The following TRPC4 variants were observed in gnomAD, a reference collection of about 807,000 sequenced individuals.
TRPC4 encodes short transient receptor potential channel 4.
A neutral mutation model predicts 99.4 loss-of-function variants in TRPC4; 49 were observed. That is an observed-to-expected ratio of 0.49 (90% CI 0.39 to 0.63). TRPC4 has a LOEUF of 0.63. Among genes scored for constraint, TRPC4 ranks in the 20% least tolerant of loss-of-function variants. The pLI, the probability that TRPC4 is intolerant of heterozygous loss-of-function variation, is 0.00. For synonymous variants in TRPC4, 454 were observed against 425.9 expected (o/e 1.07, Z -0.81); for missense variants, 898 against 1,152.9 (o/e 0.78, Z 3.20).
chr13:37,840,049 T>C (rs774490933), intron 1 of TRPC4, among the ~76,000 whole-genome samples: 1 of 152,118 alleles, frequency 6.6e-6, no homozygotes, highest in Non-Finnish European at 1.5e-5. Flanking sequence ...GAAAATAATA[T>C]GCATTTTTTG....
rs144003320 is a variant in TRPC4, at chr13:37,689,729, G to C, written c.1234+2270C>G. 1.0e-2 allele frequency among the ~76,000 whole-genome samples: 1,523 copies of C among 152,302 alleles called. 12 individuals are homozygous for C. Among genetic ancestry groups the C allele is most frequent in the South Asian group, 0.026 (125 of 4,832 alleles). The stretch of plus-strand genomic sequence containing the variant: ...AAATATTCTGTTAGAAGCTTGGTGT[G>C]TAGCAGGCAGCCAATGACTGTTTTC... On this transcript the variant is annotated intron_variant, in intron 4 of 10. Transcript: ENST00000379705.
chr13:37,706,567 T>C (rs1954283924), intron 3 of TRPC4, among the ~76,000 whole-genome samples: 1 of 152,058 alleles, frequency 6.6e-6, no homozygotes. Flanking sequence ...CATGTTGGTG[T>C]GCTGCACCCA....
intron 1 of TRPC4, among the ~76,000 whole-genome samples, chr13:37,861,990 C>G (rs1279616635): frequency 1.3e-5 from 2 of 151,286 alleles, no homozygotes; most frequent in Admixed American, 1.3e-4. Context: ...TGTATCTAGT[C>G]CAGTCCCTTC....
At position 37,651,528 on chromosome 13, in the gene TRPC4, A is replaced by G; in HGVS notation, c.1885-69T>C. The G allele has an allele frequency of 2.1e-6, 3 of 1,439,396 alleles. No individual in the cohort carries two copies. In the South Asian group the frequency reaches 3.5e-5, roughly 17 times the overall value. The allele number at this position is 1,439,396 out of a possible 1,614,324, so 89.2% of individuals were successfully genotyped here. On this transcript the variant is annotated intron_variant, in intron 7 of 10. Transcript: ENST00000379705. ...ACAAGGTACCATAAATCTCACAGAG[A>G]TCCTGTAACCTGACTTCAAGCGGCT...
At chr13:37,836,555 G>A (rs530072873) in intron 1 of TRPC4, among the ~76,000 whole-genome samples, 1 of 152,240 alleles carries the variant, frequency 6.6e-6, no homozygotes, top group East Asian at 1.9e-4. Context: ...AGAGACTGGT[G>A]GCATTTAGCC....
intron 1 of TRPC4, among the ~76,000 whole-genome samples, chr13:37,799,250 T>C (rs937854609): frequency 6.6e-6 from 1 of 152,206 alleles, no homozygotes; most frequent in Non-Finnish European, 1.5e-5. Context: ...GAAGTAATCT[T>C]TAACACCAAC....
At chr13:37,853,591 G>A (rs1959110542) in intron 1 of TRPC4, among the ~76,000 whole-genome samples, 2 of 152,118 alleles carry the variant, frequency 1.3e-5, no homozygotes, top group South Asian at 2.1e-4. Flanking sequence ...AGTCACTGGG[G>A]ACCAATCTTG....
rs555806502 is a variant in TRPC4, at chr13:37,671,454, T to A, written c.1374+2774A>T. Among the ~76,000 whole-genome samples, 14 of 152,196 alleles carry A rather than the reference T, an allele frequency of 9.2e-5. No individual in the cohort carries two copies. The East Asian group carries it at 2.1e-3, about 23-fold the overall frequency. ...AGATTGAACATGGTGAAGGCAAGTG[T>A]GGACCTAGAGCTCAAACTCTTTTAA... On this transcript the variant is annotated intron_variant, in intron 5 of 10. Coordinates refer to ENST00000379705, the MANE Select transcript of TRPC4 (RefSeq NM_016179.4).
At chr13:37,824,892 C>T (rs1958152825) in intron 1 of TRPC4, among the ~76,000 whole-genome samples, 1 of 152,062 alleles carries the variant, frequency 6.6e-6, no homozygotes, top group Non-Finnish European at 1.5e-5. Flanking sequence ...GCTGTGAATC[C>T]ATCTGGTCCT....
Position 37,692,291 on chromosome 13 carries a change from C to T in TRPC4, c.942G>A (p.Trp314Ter). 6.2e-7 allele frequency: 1 copy of T among 1,614,034 alleles called. No homozygotes were observed. Among genetic ancestry groups the T allele is most frequent in the Non-Finnish European group, 8.5e-7 (1 of 1,179,988 alleles). The change falls in exon 4 of 11, where the codon TGG (tryptophan) becomes TGA (stop). Residue 314 changes from tryptophan (W) to a stop codon, truncating the protein, a stop_gained. Transcript: ENST00000379705. LOFTEE classifies it high-confidence loss of function. ...PNCQQLLASR[W>*]YDEFPGWRRR... ...TCCTCCAGCCTGGAAACTCATCGTA[C>T]CAGCGAGATGCCAGCAGCTGTTGAC...
chr13:37,767,747 G>T (rs944025886), intron 2 of TRPC4, among the ~76,000 whole-genome samples: 2 of 151,198 alleles, frequency 1.3e-5, no homozygotes, highest in African/African-American at 4.8e-5. Flanking sequence ...TTACTTTCAT[G>T]AATAATTATA....
intron 1 of TRPC4, among the ~76,000 whole-genome samples, chr13:37,835,631 AC>A (rs1464208575): frequency 6.6e-6 from 1 of 152,202 alleles, no homozygotes; most frequent in African/African-American, 2.4e-5. Context: ...GGAAACTTTG[AC>A]ATGACAGTGA....
rs1566216069 is a variant in TRPC4 at position 37,842,372 on chromosome 13, G to GAAAAAAAAAAAAA, written c.-28+27222_-28+27223insTTTTTTTTTTTTT. On this transcript the variant is annotated intron_variant, in intron 1 of 10. Transcript: ENST00000379705. ...AAAAAAAAAAAAAAAAAAAAAAAAG[G>GAAAAAAAAAAAAA]AAAAGGAAAAGTATAAATCGGGGGC... Among the ~76,000 whole-genome samples the GAAAAAAAAAAAAA allele has an allele frequency of 2.6e-4, 19 of 72,088 alleles. 2 individuals are homozygous for GAAAAAAAAAAAAA. Among genetic ancestry groups the GAAAAAAAAAAAAA allele is most frequent in the Non-Finnish European group, 4.3e-4 (15 of 34,986 alleles). 47.3% of individuals were successfully genotyped at this position (72,088 alleles called of 152,430 possible). A position where few individuals can be genotyped will look rare whatever the true frequency, so the allele number is the denominator to read the frequency against.
At chr13:37,706,238 G>T (rs1338562551) in intron 3 of TRPC4, among the ~76,000 whole-genome samples, 1 of 152,130 alleles carries the variant, frequency 6.6e-6, no homozygotes, top group Non-Finnish European at 1.5e-5. Flanking sequence ...ATTTAGTCAG[G>T]CATTAACTGC....
At chr13:37,821,944 AAAC>A (rs1260460796) in intron 1 of TRPC4, among the ~76,000 whole-genome samples, 14 of 152,206 alleles carry the variant, frequency 9.2e-5, no homozygotes, top group Admixed American at 9.2e-4. Context: ...ATTACAATAA[AAAC>A]AAAATTGACA....
Position 37,674,235 on chromosome 13 carries a change from A to C in TRPC4, c.1367T>G (p.Phe456Cys). Residue 456 changes from phenylalanine (F) to cysteine (C), a missense_variant, in exon 5 of 11, where the codon TTT becomes TGT. Physicochemically the swap from Phe to Cys is radical, Grantham distance 205. Transcript: ENST00000379705. ...LATISLKIVA[F>C]VKYSALNPRE... ...AACATAAATAATAGTTACCTTTACAAATGCAACAATTTTCAAGGAGATTGT... is the reference window on the plus strand; with the variant it reads ...AACATAAATAATAGTTACCTTTACACATGCAACAATTTTCAAGGAGATTGT... The C allele has an allele frequency of 6.3e-7, 1 of 1,586,292 alleles. No individual in the cohort carries two copies. The highest frequency in any genetic ancestry group is 8.6e-7 in the Non-Finnish European group (1 of 1,168,768).
chr13:37,679,197 C>T (rs550105268), intron 4 of TRPC4, among the ~76,000 whole-genome samples: 54 of 152,182 alleles, frequency 3.5e-4, no homozygotes, highest in African/African-American at 1.3e-3. Context: ...ATTAAAAAAA[C>T]TGGCAAACAA....
At chr13:37,854,544 C>T (rs911365021) in intron 1 of TRPC4, among the ~76,000 whole-genome samples, 2 of 151,916 alleles carry the variant, frequency 1.3e-5, no homozygotes, top group African/African-American at 4.8e-5. Flanking sequence ...CATAACACTG[C>T]AATTGTTATG....
intron 10 of TRPC4, 70 bp from the exon 11 acceptor site, chr13:37,637,695 T>C (rs921671146): frequency 7.0e-7 from 1 of 1,430,848 alleles, no homozygotes; most frequent in Non-Finnish European, 9.4e-7. Context: ...TCTCGTCTCA[T>C]ATATGGGTCA....
Sources: gnomAD v4.1 joint callset for allele counts (sites outside exome capture counted in the v4.1 genomes callset) on GRCh38, gnomAD v4.1.1 for gene constraint, MANE v1.5 for transcripts, NCBI Gene and HGNC (gene_info 2026-07-23, HGNC 2026-07-21) for gene names.